Variants in ANKRD55 observed in about 807,000 individuals in gnomAD.
The protein encoded by ANKRD55 is ankyrin repeat domain-containing protein 55.
A neutral mutation model predicts 60.6 loss-of-function variants in ANKRD55; 41 were observed. The ratio of observed to expected loss-of-function variants is 0.68; its 90% CI spans 0.53 to 0.88. The LOEUF (loss-of-function observed/expected upper bound fraction) is 0.88, where lower values mean the gene tolerates loss of function less well. Among genes scored for constraint, ANKRD55 ranks in the 40% least tolerant of loss-of-function variants. The probability of loss-of-function intolerance (pLI) is 0.00; values close to 1 mark genes in which losing one functional copy is unlikely to be tolerated. For synonymous variants in ANKRD55, 264 were observed against 290.3 expected (o/e 0.91, Z 0.92); for missense variants, 732 against 767.6 (o/e 0.95, Z 0.55).
intron 2 of ANKRD55, among the ~76,000 whole-genome samples, chr5:56,188,053 C>G (rs1306720284): frequency 6.6e-6 from 1 of 152,194 alleles, no homozygotes; most frequent in Non-Finnish European, 1.5e-5. Flanking sequence ...ACTTCCTCTC[C>G]TCTTCTAGCC....
chr5:56,101,410 GTT>G (rs34902380), intron 11 of ANKRD55, among the ~76,000 whole-genome samples: 27,767 of 151,980 alleles, frequency 0.18, 3,038 homozygotes, highest in Middle Eastern at 0.36. Context: ...GTGTGTGTGT[GTT>G]TGTCTGTGAT....
rs1554040812 is a variant in ANKRD55 at position 56,166,158 on chromosome 5, T to TTTCTTTCTTTCTTTCTTCC, written c.422+4535_422+4536insGGAAGAAAGAAAGAAAGAA. 4.1e-5 allele frequency among the ~76,000 whole-genome samples: 3 copies of TTTCTTTCTTTCTTTCTTCC among 72,436 alleles called. 1 individual carries two copies. Among genetic ancestry groups the TTTCTTTCTTTCTTTCTTCC allele is most frequent in the Non-Finnish European group, 7.8e-5 (3 of 38,666 alleles). 47.5% of individuals were successfully genotyped at this position (72,436 alleles called of 152,430 possible). A position where few individuals can be genotyped will look rare whatever the true frequency, so the allele number is the denominator to read the frequency against. Reference sequence around the variant, plus strand: ...TCTTTCTTTCTTTCTTTCTTTCTTCTTTCCTTCCTTCCTTCCTTCCTTCCT... The same window carrying TTTCTTTCTTTCTTTCTTCC: ...TCTTTCTTTCTTTCTTTCTTTCTTCTTTCTTTCTTTCTTTCTTCCTTCCTTCCTTCCTTCCTTCCTTCCT... On this transcript the variant is annotated intron_variant, in intron 5 of 11. Transcript: ENST00000341048.
At chr5:56,164,751 G>C (rs1282022228) in intron 5 of ANKRD55, among the ~76,000 whole-genome samples, 1 of 152,188 alleles carries the variant, frequency 6.6e-6, no homozygotes, top group African/African-American at 2.4e-5. Context: ...AAAAGCCTTG[G>C]GGAGCTGAAA....
In ANKRD55 at chr5:56,150,954, C is replaced by A. The variant is rs13167924; in HGVS notation, c.484-7025G>T. Among the ~76,000 whole-genome samples the A allele has an allele frequency of 1.1e-4, 16 of 152,162 alleles. 1 individual carries two copies. Among genetic ancestry groups the A allele is most frequent in the Non-Finnish European group, 1.2e-4 (8 of 68,012 alleles). On this transcript the variant is annotated intron_variant, in intron 6 of 11. Transcript: ENST00000341048. ...TAGCTGTATTTTAATATTTTGATTT[C>A]TTTCGCAATCTTATATGTTTCATTT...
At chr5:56,208,273 CGCTTAAAAAATA>C (rs1206260790) in intron 2 of ANKRD55, among the ~76,000 whole-genome samples, 1 of 150,052 alleles carries the variant, frequency 6.7e-6, no homozygotes, top group Non-Finnish European at 1.5e-5. Context: ...CCTTCTTGTT[CGCTTAAAAAATA>C]GCTTAAAAAA....
intron 5 of ANKRD55, among the ~76,000 whole-genome samples, chr5:56,169,672 T>C (rs540420685): frequency 6.6e-6 from 1 of 152,316 alleles, no homozygotes; most frequent in South Asian, 2.1e-4. Context: ...TAAAGAAATC[T>C]TGTTATTCCT....
intron 2 of ANKRD55, among the ~76,000 whole-genome samples, chr5:56,186,674 T>A (rs923329526): frequency 6.6e-6 from 1 of 152,206 alleles, no homozygotes; most frequent in Non-Finnish European, 1.5e-5. Flanking sequence ...ATCTGGGACA[T>A]GTAGAGAAAA....
intron 2 of ANKRD55, among the ~76,000 whole-genome samples, chr5:56,216,847 G>A (rs1013911275): frequency 6.6e-6 from 1 of 152,244 alleles, no homozygotes; most frequent in African/African-American, 2.4e-5. Context: ...AAATGGAAGT[G>A]AAGCAGCAAG....
chr5:56,232,801 T>C, intron 2 of ANKRD55, 55 bp downstream of exon 2: 1 of 1,536,314 alleles, frequency 6.5e-7, no homozygotes, highest in Non-Finnish European at 9.0e-7. Context: ...TGTAAATCCA[T>C]ACCATGAGAC....
chr5:56,203,238 C>T (rs1375367995), intron 2 of ANKRD55, among the ~76,000 whole-genome samples: 4 of 152,066 alleles, frequency 2.6e-5, no homozygotes, highest in African/African-American at 4.8e-5. Context: ...TACATGTTGG[C>T]GGAGGGACCT....
intron 2 of ANKRD55, among the ~76,000 whole-genome samples, chr5:56,230,343 T>C (rs1305661518): frequency 6.6e-6 from 1 of 152,196 alleles, no homozygotes; most frequent in East Asian, 1.9e-4. Flanking sequence ...TCTGCCCACC[T>C]CGGCCTCCCA....
intron 2 of ANKRD55, among the ~76,000 whole-genome samples, chr5:56,213,940 T>C (rs1759741312): frequency 6.6e-6 from 1 of 152,210 alleles, no homozygotes; most frequent in Non-Finnish European, 1.5e-5. Context: ...GGATAATTTA[T>C]AAAGGAAAGA....
At chr5:56,213,697 C>A (rs900559609) in intron 2 of ANKRD55, among the ~76,000 whole-genome samples, 1 of 152,088 alleles carries the variant, frequency 6.6e-6, no homozygotes, top group Non-Finnish European at 1.5e-5. Context: ...GGCTGGCTTA[C>A]GAGCAAAGGG....
At chr5:56,121,547 A>G (rs995824844) in intron 8 of ANKRD55, among the ~76,000 whole-genome samples, 4 of 151,680 alleles carry the variant, frequency 2.6e-5, no homozygotes, top group African/African-American at 9.7e-5. Context: ...TAATTTTTGT[A>G]TTTTTAGTAG....
chr5:56,115,912 TGGAGTGATCTC>T (rs1026270596), intron 9 of ANKRD55, among the ~76,000 whole-genome samples: 17 of 152,134 alleles, frequency 1.1e-4, no homozygotes, highest in African/African-American at 4.1e-4. Flanking sequence ...TGGAGTGCAA[TGGAGTGATCTC>T]GGGTCACTGC....
At chr5:56,124,417 G>A (rs193041671) in intron 8 of ANKRD55, among the ~76,000 whole-genome samples, 23 of 152,188 alleles carry the variant, frequency 1.5e-4, no homozygotes, top group South Asian at 6.2e-4. Flanking sequence ...CACTAAAAAA[G>A]AGAAGAAGGA....
At position 56,106,799 on chromosome 5, in the gene ANKRD55, G is replaced by A. The variant is rs1756493827; in HGVS notation, c.1631-4213C>T. On this transcript the variant is annotated intron_variant, in intron 10 of 11. Transcript: ENST00000341048. ...GATGGGAGGATTGCTTGAGGCCAGG[G>A]GTTCTAGACTAGTCTGGGTAACAAA... is the stretch of plus-strand genomic sequence containing the variant. Among the ~76,000 whole-genome samples, 4 of 151,934 alleles carry A rather than the reference G, an allele frequency of 2.6e-5. No homozygotes were observed. In the South Asian group the frequency reaches 8.3e-4, roughly 32 times the overall value.
chr5:56,208,655 C>T (rs1335800496), intron 2 of ANKRD55, among the ~76,000 whole-genome samples: 1 of 152,176 alleles, frequency 6.6e-6, no homozygotes, highest in Non-Finnish European at 1.5e-5. Context: ...AACTCCTGAC[C>T]TCAGGTGATC....
At chr5:56,121,435 C>T (rs971631718) in intron 8 of ANKRD55, among the ~76,000 whole-genome samples, 1 of 142,490 alleles carries the variant, frequency 7.0e-6, no homozygotes, top group Non-Finnish European at 1.5e-5. Flanking sequence ...TGCAGTGGCA[C>T]AATCTCGGCT....
Sources: gnomAD v4.1 joint callset for allele counts (sites outside exome capture counted in the v4.1 genomes callset) on GRCh38, gnomAD v4.1.1 for gene constraint, MANE v1.5 for transcripts, NCBI Gene and HGNC (gene_info 2026-07-23, HGNC 2026-07-21) for gene names.